The following EXOC2 variants were observed in gnomAD, a reference collection of about 807,000 sequenced individuals.
The protein encoded by EXOC2 is exocyst complex component 2.
EXOC2 carries 70 observed loss-of-function variants against 131.8 expected under a neutral mutation model. The observed-to-expected ratio is 0.53, with a 90% CI of 0.44 to 0.65. The LOEUF is 0.65. Among genes scored for constraint, EXOC2 ranks in the 30% least tolerant of loss-of-function variants. The pLI is 0.00. For missense variants in EXOC2, 923 were observed against 1,108.6 expected (o/e 0.83, Z 2.38); for synonymous variants, 411 against 398.4 (o/e 1.03, Z -0.38).
chr6:618,634 T>G (rs73716854), intron 5 of EXOC2, among the ~76,000 whole-genome samples: 2,505 of 152,344 alleles, frequency 0.016, 77 homozygotes, highest in African/African-American at 0.057. Flanking sequence ...ATTTACCCTA[T>G]GTATTAAAAT....
chr6:488,294 CCTGT>C (rs1425383239), intron 27 of EXOC2, among the ~76,000 whole-genome samples: 3 of 152,194 alleles, frequency 2.0e-5, no homozygotes, highest in Non-Finnish European at 4.4e-5. Flanking sequence ...ACCACATGTG[CCTGT>C]CTATGGGCCC....
At chr6:683,690 T>A (rs1463780672) in intron 1 of EXOC2, among the ~76,000 whole-genome samples, 1 of 152,238 alleles carries the variant, frequency 6.6e-6, no homozygotes, top group East Asian at 1.9e-4. Flanking sequence ...AAATTTTGTA[T>A]AATAGCTTTT....
intron 2 of EXOC2, among the ~76,000 whole-genome samples, chr6:636,036 C>T (rs936839248): frequency 6.6e-6 from 1 of 152,240 alleles, no homozygotes; most frequent in East Asian, 1.9e-4. Flanking sequence ...GCACTCTAGC[C>T]TGGCAACAGA....
chr6:516,800 G>C (rs374074508), intron 23 of EXOC2, among the ~76,000 whole-genome samples: 2 of 152,224 alleles, frequency 1.3e-5, no homozygotes, highest in East Asian at 3.8e-4. Flanking sequence ...ACCAGGTCAA[G>C]TGACAAAAAA....
intron 1 of EXOC2, among the ~76,000 whole-genome samples, chr6:687,133 C>A (rs1222622206): frequency 6.8e-6 from 1 of 146,556 alleles, no homozygotes; most frequent in Non-Finnish European, 1.5e-5. Flanking sequence ...AGACAGATCA[C>A]CTGAACAAGA....
intron 21 of EXOC2, among the ~76,000 whole-genome samples, chr6:553,332 G>A (rs1757244817): frequency 1.3e-5 from 2 of 152,090 alleles, no homozygotes; most frequent in South Asian, 2.1e-4. Flanking sequence ...TTTAAAAAGT[G>A]TGTGTGTATA....
At chr6:488,935 T>G (rs767664932) in intron 27 of EXOC2, 44 bp downstream of exon 27, 4 of 1,577,660 alleles carry the variant, frequency 2.5e-6, no homozygotes, top group Non-Finnish European at 3.5e-6. Context: ...AAAACCTTGT[T>G]GAGCACATTC....
At chr6:631,560 A>G (rs191822196) in intron 3 of EXOC2, among the ~76,000 whole-genome samples, 5 of 152,238 alleles carry the variant, frequency 3.3e-5, no homozygotes, top group Non-Finnish European at 7.4e-5. Context: ...AAAAGAAAAA[A>G]AAAAAGAAAC....
intron 4 of EXOC2, among the ~76,000 whole-genome samples, chr6:624,692 A>C (rs114010851): frequency 0.021 from 3,178 of 152,338 alleles, 133 homozygotes; most frequent in African/African-American, 0.073. Flanking sequence ...ACAAATCCGT[A>C]AAGATGACAA....
At chr6:555,808 ACTTAC>A (rs1397644101) in intron 19 of EXOC2, 141 bp downstream of exon 19, 7 of 755,132 alleles carry the variant, frequency 9.3e-6, no homozygotes, top group Non-Finnish European at 1.4e-5. Flanking sequence ...TTTGTTACCC[ACTTAC>A]CTTAAACTAT....
intron 23 of EXOC2, among the ~76,000 whole-genome samples, chr6:522,245 T>C (rs1401768031): frequency 6.6e-6 from 1 of 151,548 alleles, no homozygotes; most frequent in Non-Finnish European, 1.5e-5. Flanking sequence ...CAGCAAGGTG[T>C]CTCCAGGCCT....
chr6:647,613 C>T (rs1762635089), intron 1 of EXOC2, among the ~76,000 whole-genome samples: 2 of 120,860 alleles, frequency 1.7e-5, no homozygotes. Flanking sequence ...AATGTGACCG[C>T]TCACATTCTA....
At chr6:644,862 T>G (rs1401342550) in intron 1 of EXOC2, among the ~76,000 whole-genome samples, 2 of 152,160 alleles carry the variant, frequency 1.3e-5, no homozygotes, top group Non-Finnish European at 2.9e-5. Context: ...TGAAGATCTA[T>G]ATCATGACCA....
At chr6:597,990 T>C in intron 10 of EXOC2, 31 bp downstream of exon 10, 1 of 1,519,100 alleles carries the variant, frequency 6.6e-7, no homozygotes, top group Non-Finnish European at 9.1e-7. Context: ...CAGATACATG[T>C]GATTCAACAA....
At chr6:525,364 T>G (rs1174474366) in intron 23 of EXOC2, 1 of 152,216 alleles carries the variant, frequency 6.6e-6, no homozygotes, top group Non-Finnish European at 1.5e-5. Flanking sequence ...TCTAATAAAA[T>G]GTTGAACATT....
At chr6:597,302 G>T (rs1357598900) in intron 10 of EXOC2, among the ~76,000 whole-genome samples, 3 of 151,822 alleles carry the variant, frequency 2.0e-5, no homozygotes, top group Non-Finnish European at 4.4e-5. Context: ...TCAGCCTCCT[G>T]AGTAGCTGGG....
At chr6:682,154 C>G (rs1764431765) in intron 1 of EXOC2, among the ~76,000 whole-genome samples, 1 of 152,006 alleles carries the variant, frequency 6.6e-6, no homozygotes, top group Non-Finnish European at 1.5e-5. Flanking sequence ...CTATCCAACA[C>G]AAGCCTTGAC....
At chr6:666,153 G>A (rs1045731151) in intron 1 of EXOC2, among the ~76,000 whole-genome samples, 2 of 152,116 alleles carry the variant, frequency 1.3e-5, no homozygotes, top group East Asian at 1.9e-4. Flanking sequence ...GTGCCAATCC[G>A]TTAGGTGATG....
At chr6:631,310 TG>T (rs1561947746) in intron 3 of EXOC2, among the ~76,000 whole-genome samples, 1 of 152,094 alleles carries the variant, frequency 6.6e-6, no homozygotes, top group East Asian at 1.9e-4. Flanking sequence ...GAGGCCGAGG[TG>T]GGCGAATCAC....
Sources: allele counts gnomAD v4.1 joint callset (sites outside exome capture counted in the v4.1 genomes callset), GRCh38; gene constraint gnomAD v4.1.1; transcripts MANE v1.5; gene names NCBI Gene and HGNC (gene_info 2026-07-23, HGNC 2026-07-21).